The following METTL25 variants were observed in gnomAD, a reference collection of about 807,000 sequenced individuals.
The protein encoded by METTL25 is methyltransferase like 25, also known as probable methyltransferase-like protein 25.
METTL25 carries 64 observed loss-of-function variants against 71.6 expected under a neutral mutation model. The ratio of observed to expected loss-of-function variants is 0.89; its 90% confidence interval spans 0.73 to 1.10. The LOEUF (loss-of-function observed/expected upper bound fraction) is 1.10. Among genes scored for constraint, METTL25 ranks in the 50% least tolerant of loss-of-function variants. The pLI is 0.00. For synonymous variants in METTL25, 287 were observed against 250.3 expected (o/e 1.15, Z -1.38); for missense variants, 807 against 707.0 (o/e 1.14, Z -1.60).
intron 5 of METTL25, among the ~76,000 whole-genome samples, chr12:82,409,732 A>G (rs1303339168): frequency 6.6e-6 from 1 of 152,080 alleles, no homozygotes; most frequent in Non-Finnish European, 1.5e-5. Flanking sequence ...AACCCTCGAA[A>G]GCCTGCAGGC....
intron 5 of METTL25, among the ~76,000 whole-genome samples, chr12:82,423,908 A>G (rs1760837739): frequency 6.6e-6 from 1 of 152,212 alleles, no homozygotes; most frequent in Non-Finnish European, 1.5e-5. Flanking sequence ...GAGGATGTGG[A>G]GAAATAGGAA....
At chr12:82,388,018 T>C (rs1885215538) in intron 2 of METTL25, among the ~76,000 whole-genome samples, 1 of 152,114 alleles carries the variant, frequency 6.6e-6, no homozygotes, top group Non-Finnish European at 1.5e-5. Context: ...ATTTAGTCTT[T>C]TCAATCTTAA....
At chr12:82,461,143 CA>C (rs1160356024) in intron 9 of METTL25, among the ~76,000 whole-genome samples, 3 of 151,362 alleles carry the variant, frequency 2.0e-5, no homozygotes, top group Non-Finnish European at 4.4e-5. Context: ...ACTCCGTCTC[CA>C]AAAAAATATG....
At chr12:82,460,251 T>C (rs1891773681) in intron 9 of METTL25, among the ~76,000 whole-genome samples, 1 of 152,112 alleles carries the variant, frequency 6.6e-6, no homozygotes, top group Non-Finnish European at 1.5e-5. Context: ...AAAAAACAAA[T>C]TGAATAAATA....
At chr12:82,386,714 C>A in intron 1 of METTL25, 89 bp from the exon 2 acceptor site, 1 of 1,047,618 alleles carries the variant, frequency 9.5e-7, no homozygotes, top group Non-Finnish European at 1.4e-6. Context: ...ATTTGTTATA[C>A]AAATTAAGTG....
rs146185229 is a variant in METTL25, at chr12:82,476,688, T to A, written c.1617T>A (p.Pro539=). ...IIMNYYEKYK[P]RMNELEAFNM... ...TGAACTACTACGAGAAGTATAAGCC[T>A]CGAATGAATGAGCTGGAAGCTTTTA... Residue 539 remains proline, a synonymous_variant, in exon 10 of 12, where the codon CCT becomes CCA. Transcript: ENST00000248306. 125 of 1,599,224 alleles carry A rather than the reference T, an allele frequency of 7.8e-5. 1 individual carries two copies. Among genetic ancestry groups the A allele is most frequent in the Admixed American group, 4.5e-4 (26 of 57,648 alleles).
At chr12:82,398,650 G>T (rs531679529) in intron 3 of METTL25, 145 bp from the exon 4 acceptor site, 1 of 409,476 alleles carries the variant, frequency 2.4e-6, no homozygotes, top group South Asian at 1.2e-4. Flanking sequence ...TAAAAATGAT[G>T]AGTGGTTGGT....
At chr12:82,451,178 T>G (rs185693639) in intron 8 of METTL25, 2 of 339,770 alleles carry the variant, frequency 5.9e-6, no homozygotes, top group East Asian at 3.3e-4. Flanking sequence ...GTGCAATGAT[T>G]CTGTGAAAAT....
intron 7 of METTL25, 72 bp from the exon 8 acceptor site, chr12:82,438,646 C>T (rs1592724339): frequency 2.1e-6 from 2 of 955,868 alleles, no homozygotes; most frequent in Non-Finnish European, 2.9e-6. Flanking sequence ...CGTGTGGTTC[C>T]AACATTCTGG....
Position 82,403,082 on chromosome 12 carries a change from G to T in METTL25, c.1231G>T (p.Gly411Cys), listed in dbSNP as rs1428272135. ...NSEIKGVCSV[G>C]CCYHLLSEEF... ...TGAAATCAAGGGAGTTTGCAGTGTG[G>T]GTTGTTGCTACCACCTCTTATCTGA... The change falls in exon 5 of 12, where the codon GGT (glycine) becomes TGT (cysteine). Residue 411 changes from glycine to cysteine, a missense_variant. By Grantham distance (159) the Gly-to-Cys change is radical (BLOSUM62 -3). Coordinates refer to ENST00000248306, the MANE Select transcript of METTL25 (RefSeq NM_032230.3). The T allele has an allele frequency of 6.2e-7, 1 of 1,613,116 alleles. No individual in the cohort carries two copies. Among genetic ancestry groups the T allele is most frequent in the Admixed American group, 1.7e-5 (1 of 59,884 alleles).
At chr12:82,406,273 T>C (rs1460403080) in intron 5 of METTL25, among the ~76,000 whole-genome samples, 1 of 152,164 alleles carries the variant, frequency 6.6e-6, no homozygotes, top group Admixed American at 6.5e-5. Context: ...AAACATTGTT[T>C]TTTTGTAAAA....
intron 8 of METTL25, among the ~76,000 whole-genome samples, chr12:82,448,836 CTT>C (rs774102515): frequency 2.0e-5 from 3 of 151,800 alleles, no homozygotes; most frequent in East Asian, 1.9e-4. Flanking sequence ...TCTTTTAAGT[CTT>C]TCAATATGTA....
chr12:82,411,909 A>G (rs901353579), intron 5 of METTL25, among the ~76,000 whole-genome samples: 1 of 152,150 alleles, frequency 6.6e-6, no homozygotes, highest in Non-Finnish European at 1.5e-5. Flanking sequence ...AATTTTTAAT[A>G]AAGAATTATT....
rs1015275003 is a variant in METTL25 at position 82,358,583 on chromosome 12, T to C, written c.18T>C (p.Pro6=). 1 of 1,611,926 alleles carries C rather than the reference T, an allele frequency of 6.2e-7. No homozygotes were observed. Among genetic ancestry groups the C allele is most frequent in the Non-Finnish European group, 8.5e-7 (1 of 1,179,892 alleles). MAASC[P]LPVTPDLPTL... is the part of the protein sequence containing the mutation. Reference sequence around the variant, plus strand: ...TGAGCGTCATGGCGGCTTCTTGCCCTCTCCCGGTGACCCCGGACCTGCCCA... The same window carrying C: ...TGAGCGTCATGGCGGCTTCTTGCCCCCTCCCGGTGACCCCGGACCTGCCCA... Residue 6 remains proline, a synonymous_variant, in exon 1 of 12, where the codon CCT becomes CCC. Coordinates refer to ENST00000248306, the MANE Select transcript of METTL25 (RefSeq NM_032230.3).
intron 5 of METTL25, among the ~76,000 whole-genome samples, chr12:82,415,149 T>C (rs1887871664): frequency 6.6e-6 from 1 of 152,122 alleles, no homozygotes; most frequent in Non-Finnish European, 1.5e-5. Context: ...TAGTCATGCA[T>C]AAAAATACCA....
intron 4 of METTL25, among the ~76,000 whole-genome samples, chr12:82,400,759 C>G (rs991733644): frequency 1.3e-5 from 2 of 152,040 alleles, no homozygotes; most frequent in South Asian, 4.1e-4. Flanking sequence ...ACAGAATTAA[C>G]TAACACCCCC....
At chr12:82,466,102 T>G (rs1018854413) in intron 9 of METTL25, among the ~76,000 whole-genome samples, 1 of 151,692 alleles carries the variant, frequency 6.6e-6, no homozygotes, top group Non-Finnish European at 1.5e-5. Flanking sequence ...ATTTCTGCTC[T>G]GATCTTAATT....
At chr12:82,395,616 C>T (rs1165792373) in intron 3 of METTL25, among the ~76,000 whole-genome samples, 1 of 151,986 alleles carries the variant, frequency 6.6e-6, no homozygotes, top group African/African-American at 2.4e-5. Context: ...TCTTTACTAT[C>T]TAAAGTACAG....
intron 9 of METTL25, among the ~76,000 whole-genome samples, chr12:82,461,292 A>G (rs1277592737): frequency 6.6e-6 from 1 of 152,212 alleles, no homozygotes; most frequent in African/African-American, 2.4e-5. Context: ...GAGATAATTA[A>G]CGTTTATCAA....
Sources: gnomAD v4.1 joint callset for allele counts (sites outside exome capture counted in the v4.1 genomes callset) on GRCh38, gnomAD v4.1.1 for gene constraint, MANE v1.5 for transcripts, NCBI Gene and HGNC (gene_info 2026-07-23, HGNC 2026-07-21) for gene names.